TRHDE: variants seen among roughly 807,000 people sequenced by gnomAD.
The protein encoded by TRHDE is thyrotropin-releasing hormone-degrading ectoenzyme.
A neutral mutation model predicts 125.7 loss-of-function variants in TRHDE; 72 were observed. The observed-to-expected ratio is 0.57, with a 90% CI of 0.47 to 0.70. TRHDE has a LOEUF of 0.70. Among genes scored for constraint, TRHDE ranks in the 30% least tolerant of loss-of-function variants. The pLI is 0.00. For synonymous variants in TRHDE, 509 were observed against 509.1 expected (o/e 1.00, Z 0.00); for missense variants, 1,110 against 1,327.1 (o/e 0.84, Z 2.54).
At chr12:72,600,387 AC>A (rs578244548) in intron 12 of TRHDE, among the ~76,000 whole-genome samples, 1 of 152,104 alleles carries the variant, frequency 6.6e-6, no homozygotes, top group East Asian at 1.9e-4. Context: ...CAATGCATGA[AC>A]ATGGAATGTT....
At chr12:72,614,424 A>G (rs1321925828) in intron 12 of TRHDE, among the ~76,000 whole-genome samples, 1 of 150,482 alleles carries the variant, frequency 6.6e-6, no homozygotes, top group Non-Finnish European at 1.5e-5. Context: ...TACATCAAGG[A>G]CTATTGGGAT....
intron 3 of TRHDE, among the ~76,000 whole-genome samples, chr12:72,443,192 C>CTGTGTGTGTGTGTG (rs58277850): frequency 3.5e-4 from 51 of 144,532 alleles, no homozygotes; most frequent in African/African-American, 1.2e-3. Context: ...TACTTCTTTC[C>CTGTGTGTGTGTGTG]TGTGTGTGTG....
intron 1 of TRHDE, chr12:72,274,016 C>G (rs911400754): frequency 6.2e-6 from 1 of 162,392 alleles, no homozygotes; most frequent in South Asian, 1.8e-4. Context: ...GTTCTCCACC[C>G]CCACCCACAA....
chr12:72,215,963 G>T (rs1277180148), intron 2 of TRHDE, among the ~76,000 whole-genome samples: 1 of 152,154 alleles, frequency 6.6e-6, no homozygotes, highest in Non-Finnish European at 1.5e-5. Flanking sequence ...AAAAGTTGGG[G>T]TATTGTAACA....
intron 1 of TRHDE, among the ~76,000 whole-genome samples, chr12:72,102,257 G>T (rs781065733): frequency 4.6e-5 from 7 of 152,104 alleles, no homozygotes; most frequent in African/African-American, 7.2e-5. Flanking sequence ...GCTTAGAGTA[G>T]GGCATTAGGA....
intron 3 of TRHDE, among the ~76,000 whole-genome samples, chr12:72,435,370 T>C (rs1345634131): frequency 2.0e-5 from 3 of 152,176 alleles, no homozygotes; most frequent in African/African-American, 7.2e-5. Flanking sequence ...TGTCAGTTCA[T>C]TGGCATTGGT....
chr12:72,613,333 TATC>T (rs1872698304), intron 12 of TRHDE, among the ~76,000 whole-genome samples: 3 of 152,300 alleles, frequency 2.0e-5, no homozygotes. Flanking sequence ...CTATATGTGT[TATC>T]ATTAATAAAA....
chr12:72,321,894 C>T (rs188392132), intron 2 of TRHDE, among the ~76,000 whole-genome samples: 2 of 151,934 alleles, frequency 1.3e-5, no homozygotes, highest in African/African-American at 4.8e-5. Context: ...CACACACACC[C>T]CCTAAGAGTC....
chr12:72,087,976 G>A (rs1385228024), intron 1 of TRHDE, among the ~76,000 whole-genome samples: 3 of 152,194 alleles, frequency 2.0e-5, no homozygotes, highest in African/African-American at 7.2e-5. Flanking sequence ...TGAAGTCAAG[G>A]AGGTATCCAA....
intron 3 of TRHDE, among the ~76,000 whole-genome samples, chr12:72,426,010 C>T (rs1874169676): frequency 6.6e-6 from 1 of 151,996 alleles, no homozygotes; most frequent in African/African-American, 2.4e-5. Flanking sequence ...CAGAATCAAA[C>T]AATTGAAATG....
At chr12:72,180,345 T>G (rs1877072225) in intron 2 of TRHDE, among the ~76,000 whole-genome samples, 1 of 152,162 alleles carries the variant, frequency 6.6e-6, no homozygotes, top group African/African-American at 2.4e-5. Context: ...AGAATTAACA[T>G]TAAAAACACT....
intron 5 of TRHDE, among the ~76,000 whole-genome samples, chr12:72,489,826 C>A (rs1012923630): frequency 6.6e-6 from 1 of 151,676 alleles, no homozygotes; most frequent in African/African-American, 2.4e-5. Context: ...TGTCTTACAC[C>A]ATCCATAGAA....
At chr12:72,559,341 G>T (rs1870065982) in intron 7 of TRHDE, among the ~76,000 whole-genome samples, 1 of 152,174 alleles carries the variant, frequency 6.6e-6, no homozygotes. Flanking sequence ...TATATGTGAA[G>T]ATAGGCACAA....
In TRHDE at chr12:72,273,112, G is replaced by T; in HGVS notation, c.469G>T (p.Gly157Cys). The T allele has an allele frequency of 6.5e-7, 1 of 1,527,006 alleles. No homozygotes were observed. Among genetic ancestry groups the T allele is most frequent in the Non-Finnish European group, 8.8e-7 (1 of 1,137,332 alleles). The allele number at this position is 1,527,006 out of a possible 1,614,324, so 94.6% of individuals were successfully genotyped here. ...AGGDSWQPEA[G>C]GVASPGTTSA... Reference sequence around the variant, plus strand: ...CGGGGACTCCTGGCAGCCCGAGGCGGGTGGGGTGGCCAGTCCGGGGACCAC... The same window carrying T: ...CGGGGACTCCTGGCAGCCCGAGGCGTGTGGGGTGGCCAGTCCGGGGACCAC... Residue 157 changes from glycine (G) to cysteine (C), a missense_variant, in exon 1 of 19, where the codon GGT becomes TGT. Transcript: ENST00000261180. This position sits in a 1 kb window ranked among gnomAD's most constrained non-coding sequence, Gnocchi z 5.3.
intron 12 of TRHDE, among the ~76,000 whole-genome samples, chr12:72,613,117 A>G (rs954843723): frequency 6.6e-6 from 1 of 152,212 alleles, no homozygotes; most frequent in African/African-American, 2.4e-5. Context: ...GGAGAAAGGG[A>G]TTTCTAAGCC....
At chr12:72,166,723 T>G (rs73135436) in intron 2 of TRHDE, among the ~76,000 whole-genome samples, 1 of 152,096 alleles carries the variant, frequency 6.6e-6, no homozygotes, top group Non-Finnish European at 1.5e-5. Context: ...AAATCCTGTA[T>G]AAAGATGATT....
intron 2 of TRHDE, among the ~76,000 whole-genome samples, chr12:72,176,565 A>G (rs560726319): frequency 6.6e-6 from 1 of 152,356 alleles, no homozygotes; most frequent in South Asian, 2.1e-4. Context: ...TCAGTTAGTT[A>G]AAACTAATTG....
At chr12:72,417,387 T>C (rs1329711124) in intron 3 of TRHDE, among the ~76,000 whole-genome samples, 1 of 152,024 alleles carries the variant, frequency 6.6e-6, no homozygotes, top group Non-Finnish European at 1.5e-5. Flanking sequence ...ATTCTTCAAA[T>C]TTCACATCTG....
intron 10 of TRHDE, among the ~76,000 whole-genome samples, chr12:72,573,401 A>G (rs1870837732): frequency 6.6e-6 from 1 of 151,912 alleles, no homozygotes; most frequent in African/African-American, 2.4e-5. Flanking sequence ...TGGATAAATC[A>G]TTTGCATTTT....
Sources: allele counts gnomAD v4.1 joint callset (sites outside exome capture counted in the v4.1 genomes callset), GRCh38; gene constraint gnomAD v4.1.1; non-coding constraint Gnocchi (gnomAD v3.1); transcripts MANE v1.5; gene names NCBI Gene and HGNC (gene_info 2026-07-23, HGNC 2026-07-21).